Variants in RASEF observed in about 807,000 individuals in gnomAD.
RASEF encodes the protein RAS and EF-hand domain containing.
A neutral mutation model predicts 90.1 loss-of-function variants in RASEF; 68 were observed. The ratio of observed to expected loss-of-function variants is 0.75; its 90% CI spans 0.62 to 0.92. The LOEUF is 0.92. Among genes scored for constraint, RASEF ranks in the 40% least tolerant of loss-of-function variants. RASEF has a pLI of 0.00. For missense variants in RASEF, 949 were observed against 937.2 expected, an observed-to-expected ratio of 1.01 and a Z score of -0.16; for synonymous variants, 331 against 345.2, an observed-to-expected ratio of 0.96 and a Z score of 0.46.
At chr9:83,199,373 C>T in the RASEF span, among the ~76,000 whole-genome samples, 3 of 152,032 alleles carry the variant, frequency 2.0e-5, no homozygotes, top group Non-Finnish European at 4.4e-5. Context: ...TGGAGTTGCT[C>T]GCACCATCGC....
intron 9 of RASEF, among the ~76,000 whole-genome samples, chr9:83,001,996 G>T (rs1238927328): frequency 6.6e-6 from 1 of 152,144 alleles, no homozygotes; most frequent in Non-Finnish European, 1.5e-5. Flanking sequence ...AAGTGAGGGA[G>T]AAATTCACAT....
At chr9:83,146,109 T>C in the RASEF span, among the ~76,000 whole-genome samples, 1 of 151,088 alleles carries the variant, frequency 6.6e-6, no homozygotes, top group African/African-American at 2.4e-5. Context: ...TGGAGACCCA[T>C]CTAGTTGCCC....
At chr9:83,078,504 A>T in the RASEF span, among the ~76,000 whole-genome samples, 1 of 152,206 alleles carries the variant, frequency 6.6e-6, no homozygotes, top group East Asian at 1.9e-4. Context: ...TGTCTCTAAA[A>T]GATATAAAAA....
At chr9:83,134,646 A>G in the RASEF span, among the ~76,000 whole-genome samples, 1 of 152,164 alleles carries the variant, frequency 6.6e-6, no homozygotes, top group Admixed American at 6.6e-5. Context: ...AGTAAGAGCT[A>G]CCTACAATGG....
At chr9:83,158,851 G>A in the RASEF span, among the ~76,000 whole-genome samples, 2 of 150,742 alleles carry the variant, frequency 1.3e-5, no homozygotes, top group African/African-American at 2.4e-5. Flanking sequence ...CACTCACCTG[G>A]GGTAGGTAAA....
At chr9:83,110,034 A>C in the RASEF span, among the ~76,000 whole-genome samples, 1 of 152,208 alleles carries the variant, frequency 6.6e-6, no homozygotes, top group Admixed American at 6.5e-5. Context: ...TATCAAAAAA[A>C]CATTTTATTA....
At chr9:83,088,731 C>T in the RASEF span, among the ~76,000 whole-genome samples, 9 of 152,022 alleles carry the variant, frequency 5.9e-5, no homozygotes, top group Admixed American at 4.6e-4. Context: ...CTACTAATTA[C>T]AGTTACTCCT....
chr9:83,014,467 AT>A (rs1224461708), intron 4 of RASEF, among the ~76,000 whole-genome samples: 2 of 152,038 alleles, frequency 1.3e-5, no homozygotes, highest in South Asian at 2.1e-4. Context: ...CATGCAGTTA[AT>A]TTTTAAAATT....
At chr9:83,209,749 C>T in the RASEF span, among the ~76,000 whole-genome samples, 1 of 152,156 alleles carries the variant, frequency 6.6e-6, no homozygotes, top group African/African-American at 2.4e-5. Context: ...TAATGACTGT[C>T]ATGTCACTTT....
At chr9:83,211,421 T>A in the RASEF span, among the ~76,000 whole-genome samples, 1 of 152,202 alleles carries the variant, frequency 6.6e-6, no homozygotes, top group African/African-American at 2.4e-5. Context: ...GAACTGGTTG[T>A]TCTCAGCAAC....
chr9:83,071,743 G>C, the RASEF span, among the ~76,000 whole-genome samples: 1 of 152,128 alleles, frequency 6.6e-6, no homozygotes, highest in Non-Finnish European at 1.5e-5. Flanking sequence ...TATACTGATG[G>C]ATTTCATTCT....
intron 1 of RASEF, 54 bp downstream of exon 1, chr9:83,062,383 A>G: frequency 6.3e-7 from 1 of 1,577,262 alleles, no homozygotes. Flanking sequence ...GTAAGTGGGA[A>G]GAAGCAAGCA....
intron 15 of RASEF, among the ~76,000 whole-genome samples, chr9:82,991,773 T>C (rs1419351216): frequency 6.6e-6 from 1 of 152,114 alleles, no homozygotes; most frequent in Non-Finnish European, 1.5e-5. Flanking sequence ...GAAGCAAACT[T>C]TGGGAACTCT....
At chr9:82,991,601 T>A (rs1444608430) in intron 15 of RASEF, among the ~76,000 whole-genome samples, 1 of 152,150 alleles carries the variant, frequency 6.6e-6, no homozygotes, top group Non-Finnish European at 1.5e-5. Flanking sequence ...CCTTTACTCG[T>A]AAGCCCACAA....
chr9:83,034,494 A>C lies in RASEF; in HGVS notation c.432-8573T>G, dbSNP rs548243921. ...TATCTATTTTTATAACATTCCCCAA[A>C]AGATATTAAAACGGAAATTCCCTGG... On this transcript the variant is annotated intron_variant, in intron 1 of 16. Coordinates refer to ENST00000376447, the MANE Select transcript of RASEF (RefSeq NM_152573.4). Among the ~76,000 whole-genome samples, 51 of 152,312 alleles carry C rather than the reference A, an allele frequency of 3.3e-4. 1 individual carries two copies. In the South Asian group the frequency reaches 0.011, roughly 32 times the overall value.
the RASEF span, among the ~76,000 whole-genome samples, chr9:83,133,929 T>C: frequency 7.2e-5 from 11 of 152,014 alleles, no homozygotes; most frequent in African/African-American, 2.4e-4. Context: ...ATGCTTATTT[T>C]AGTTCCCCCA....
chr9:83,162,633 C>CAACA, the RASEF span, among the ~76,000 whole-genome samples: 1 of 152,054 alleles, frequency 6.6e-6, no homozygotes, highest in East Asian at 1.9e-4. Flanking sequence ...ACTGAAAAAC[C>CAACA]AACAATTCTT....
At chr9:83,016,536 G>A (rs1829346088) in intron 3 of RASEF, among the ~76,000 whole-genome samples, 1 of 151,834 alleles carries the variant, frequency 6.6e-6, no homozygotes, top group South Asian at 2.1e-4. Context: ...TTTACCTTCA[G>A]TATTCAAATA....
intron 13 of RASEF, 126 bp downstream of exon 13, chr9:82,998,239 T>C: frequency 3.5e-6 from 2 of 578,530 alleles, no homozygotes; most frequent in East Asian, 5.9e-5. Flanking sequence ...ATTATACATG[T>C]AATTATGCAT....
Sources: gnomAD v4.1 joint callset for allele counts (sites outside exome capture counted in the v4.1 genomes callset) on GRCh38, gnomAD v4.1.1 for gene constraint, MANE v1.5 for transcripts, NCBI Gene and HGNC (gene_info 2026-07-23, HGNC 2026-07-21) for gene names.